HELZ2: variants seen among roughly 807,000 people sequenced by gnomAD.
HELZ2 encodes the protein 3'-5' exoribonuclease HELZ2.
A neutral mutation model predicts 208.8 loss-of-function variants in HELZ2; 143 were observed. The ratio of observed to expected loss-of-function variants is 0.68; its 90% CI spans 0.60 to 0.79. The LOEUF is 0.79. Ranked by LOEUF, HELZ2 falls within the 30% of genes least tolerant of loss-of-function variation. The probability of loss-of-function intolerance (pLI) is 0.00; values close to 1 mark genes in which losing one functional copy is unlikely to be tolerated. For missense variants in HELZ2, 3,690 were observed against 3,794.5 expected (o/e 0.97, Z 0.72); for synonymous variants, 1,705 against 1,693.7 (o/e 1.01, Z -0.16).
chr20:63,564,844 C>T, exon 8 of HELZ2: 1 of 1,611,446 alleles, frequency 6.2e-7, no homozygotes, highest in Non-Finnish European at 8.5e-7. Context: ...CCCGGCCAAG[C>T]TCCGTGTGGT....
exon 8 of HELZ2, chr20:63,565,781 G>A: frequency 6.2e-7 from 1 of 1,600,438 alleles, no homozygotes; most frequent in Non-Finnish European, 8.5e-7. Flanking sequence ...CGCTGTGGTT[G>A]CCGTGATGTC....
Position 63,565,155 on chromosome 20 carries a change from C to T in HELZ2, c.3667G>A (p.Val1223Met), listed in dbSNP as rs746437615. The change falls in exon 8 of 19, where the codon GTG becomes ATG. Residue 1223 changes from valine (V) to methionine (M), a missense_variant. Physicochemically the swap from Val to Met is conservative, Grantham distance 21. Around this residue, in one of 3 missense-constraint regions of HELZ2, gnomAD observed 2,564 missense variants for 2,580.5 expected, o/e 0.99. Coordinates refer to ENST00000467148, the Ensembl canonical transcript of HELZ2. Reference sequence around the variant, plus strand: ...AGCTCGGCCACGAAGATCTTGGTCACGGAGCCATTGATGGGGACCATGATG... The same window carrying T: ...AGCTCGGCCACGAAGATCTTGGTCATGGAGCCATTGATGGGGACCATGATG... The T allele has an allele frequency of 1.2e-5, 19 of 1,595,600 alleles. No homozygotes were observed. In the South Asian group the frequency reaches 1.6e-4, roughly 13 times the overall value.
Position 63,565,972 on chromosome 20 carries a change from C to T in HELZ2, c.2850G>A (p.Gln950=), listed in dbSNP as rs1014594851. The change falls in exon 8 of 19, where the codon CAG becomes CAA. Residue 950 remains glutamine, a synonymous_variant. Transcript: ENST00000467148. ...GTCTCTGCGCCACACCCTGCTCGACCTGCTCCATGGACAGGCCCTCGGGGC... is the reference window on the plus strand; with the variant it reads ...GTCTCTGCGCCACACCCTGCTCGACTTGCTCCATGGACAGGCCCTCGGGGC... 6 of 1,599,190 alleles carry T rather than the reference C, an allele frequency of 3.8e-6. No homozygotes were observed. In the African/African-American group the frequency reaches 8.0e-5, roughly 21 times the overall value.
At chr20:63,569,994 G>T (rs1374520362) in intron 3 of HELZ2, 2 of 479,780 alleles carry the variant, frequency 4.2e-6, no homozygotes, top group Non-Finnish European at 7.6e-6. Flanking sequence ...TTGTCGCCAG[G>T]CTGGAGTGCA....
chr20:63,565,971 C>T (rs753625341), exon 8 of HELZ2: 3 of 1,599,168 alleles, frequency 1.9e-6, no homozygotes, highest in Middle Eastern at 1.6e-4. Flanking sequence ...CCCTGCTCGA[C>T]CTGCTCCATG....
chr20:63,567,359 C>T, exon 6 of HELZ2: 3 of 1,603,286 alleles, frequency 1.9e-6, no homozygotes, highest in Non-Finnish European at 1.7e-6. Flanking sequence ...GCCGCCTCAT[C>T]GATGAGAATG....
chr20:63,559,367 T>C, exon 19 of HELZ2: 1 of 1,593,058 alleles, frequency 6.3e-7, no homozygotes, highest in East Asian at 2.3e-5. Context: ...AAGGAGGTGG[T>C]CTCCTGTGAG....
intron 8 of HELZ2, 36 bp downstream of exon 9, chr20:63,562,484 C>A (rs776658109): frequency 1.3e-6 from 2 of 1,532,804 alleles, no homozygotes; most frequent in Non-Finnish European, 1.8e-6. Context: ...CCGGGGCGGT[C>A]CCCCAGCCCA....
exon 6 of HELZ2, chr20:63,566,947 A>G (rs2082966990): frequency 6.2e-7 from 1 of 1,610,974 alleles, no homozygotes; most frequent in Non-Finnish European, 8.5e-7. Flanking sequence ...GACCTGCGCA[A>G]TCTCAGCCAG....
At chr20:63,563,543 C>A in exon 8 of HELZ2, 1 of 1,515,582 alleles carries the variant, frequency 6.6e-7, no homozygotes, top group East Asian at 2.4e-5. Flanking sequence ...CTCCCGGTTG[C>A]TGGGGAAGAG....
chr20:63,559,465 GGGTC>G lies in HELZ2; in HGVS notation c.7826-99_7826-96del, dbSNP rs1233545807. Reference sequence around the variant, plus strand: ...GTCAGGGTCAGGTGGGAGTCAGTCAGGGTCAGGTGGGAGGAGTCAGGGTCAGGTG... The same window carrying G: ...GTCAGGGTCAGGTGGGAGTCAGTCAGAGGTGGGAGGAGTCAGGGTCAGGTG... On this transcript the variant is annotated intron_variant, in intron 18 of 18. Coordinates refer to ENST00000467148, the Ensembl canonical transcript of HELZ2. 23 of 1,036,782 alleles carry G rather than the reference GGGTC, an allele frequency of 2.2e-5. No homozygotes were observed. The Admixed American group carries it at 3.5e-4, about 16-fold the overall frequency. The allele number at this position is 1,036,782 out of a possible 1,614,324, so 64.2% of individuals were successfully genotyped here. A position where few individuals can be genotyped will look rare whatever the true frequency, so the allele number is the denominator to read the frequency against.
intron 3 of HELZ2, chr20:63,570,087 C>G (rs138327160): frequency 0.026 from 10,171 of 390,828 alleles, 179 homozygotes; most frequent in Non-Finnish European, 0.037. Flanking sequence ...TAGATGGGAT[C>G]ACAGGCACCC....
exon 10 of HELZ2, chr20:63,562,079 G>A (rs749555099): frequency 6.2e-7 from 1 of 1,610,170 alleles, no homozygotes; most frequent in South Asian, 1.1e-5. Flanking sequence ...TACCTGGTGG[G>A]CCCTGAATGA....
At chr20:63,562,854 C>T in exon 8 of HELZ2, 1 of 1,608,714 alleles carries the variant, frequency 6.2e-7, no homozygotes, top group Non-Finnish European at 8.5e-7. Context: ...AAGGCGGCCT[C>T]CAGGCGGAAG....
chr20:63,573,448 C>G (rs900358700), upstream of HELZ2, among the ~76,000 whole-genome samples: 1 of 152,098 alleles, frequency 6.6e-6, no homozygotes, highest in Non-Finnish European at 1.5e-5. The surrounding 1 kb of genome is among the most constrained non-coding windows in gnomAD (Gnocchi z 4.9). Context: ...CTCACTGACC[C>G]GGACACAGCC....
rs2082887326 is a variant in HELZ2, at chr20:63,561,585, A to T, written c.6836+16T>A. 1 of 1,593,532 alleles carries T rather than the reference A, an allele frequency of 6.3e-7. No individual in the cohort carries two copies. On this transcript the variant is annotated intron_variant, in intron 12 of 18. Coordinates refer to ENST00000467148, the Ensembl canonical transcript of HELZ2. ...TCGGCCCCACTCCGCCCAAGCCCCA[A>T]AGACAGCAGGCACACCTGAGGCTCT...
chr20:63,562,418 A>G, intron 8 of HELZ2, 36 bp from the exon 10 acceptor site: 2 of 1,550,910 alleles, frequency 1.3e-6, no homozygotes, highest in Non-Finnish European at 8.7e-7. Flanking sequence ...AACCAACAGG[A>G]CTCCCAGGAA....
exon 8 of HELZ2, chr20:63,563,292 C>A (rs1298072290): frequency 1.0e-5 from 16 of 1,549,546 alleles, no homozygotes; most frequent in Non-Finnish European, 1.3e-5. Flanking sequence ...ATGAGAGCAG[C>A]CGCCTCCGGC....
chr20:63,567,832 C>G, intron 5 of HELZ2: 1 of 1,189,910 alleles, frequency 8.4e-7, no homozygotes, highest in South Asian at 1.6e-5. Context: ...CCTGGGCGAG[C>G]CCAGCGGCTC....
Sources: allele counts gnomAD v4.1 joint callset (sites outside exome capture counted in the v4.1 genomes callset), GRCh38; gene constraint gnomAD v4.1.1; regional missense constraint gnomAD v4.1.1; non-coding constraint Gnocchi (gnomAD v3.1); transcripts MANE v1.5; gene names NCBI Gene and HGNC (gene_info 2026-07-23, HGNC 2026-07-21).